The following FAM13A variants were observed in gnomAD, a reference collection of about 807,000 sequenced individuals.
FAM13A encodes protein FAM13A.
FAM13A carries 76 observed loss-of-function variants against 129.6 expected under a neutral mutation model. The ratio of observed to expected loss-of-function variants is 0.59; its 90% CI spans 0.49 to 0.71. FAM13A has a LOEUF of 0.71. FAM13A is among the 30% of genes least tolerant of loss of function. The pLI, the probability that FAM13A is intolerant of heterozygous loss-of-function variation, is 0.00. For synonymous variants in FAM13A, 443 were observed against 449.9 expected, an observed-to-expected ratio of 0.98 and a Z score of 0.20; for missense variants, 1,108 against 1,249.3, an observed-to-expected ratio of 0.89 and a Z score of 1.70.
intron 3 of FAM13A, among the ~76,000 whole-genome samples, chr4:89,007,654 C>T (rs990549547): frequency 5.9e-5 from 9 of 152,194 alleles, no homozygotes; most frequent in Non-Finnish European, 1.0e-4. Context: ...TACAGAAATA[C>T]ATTAACAGAT....
chr4:88,928,264 A>G (rs186749937), intron 5 of FAM13A, among the ~76,000 whole-genome samples: 316 of 152,274 alleles, frequency 2.1e-3, no homozygotes, highest in Non-Finnish European at 4.1e-3. Context: ...CATGTGGTCT[A>G]TCTCAGAGAA....
intron 3 of FAM13A, among the ~76,000 whole-genome samples, chr4:89,001,514 A>G (rs1764241735): frequency 6.6e-6 from 1 of 152,378 alleles, no homozygotes; most frequent in Middle Eastern, 3.4e-3. Flanking sequence ...TCGCAGAAAC[A>G]GATATTTGTG....
chr4:88,937,972 C>A, intron 5 of FAM13A, 116 bp downstream of exon 5: 1 of 728,618 alleles, frequency 1.4e-6, no homozygotes, highest in Non-Finnish European at 2.3e-6. Context: ...ATTCACTATA[C>A]ACAGGAATAA....
chr4:88,777,848 C>A (rs1378618045), intron 11 of FAM13A, among the ~76,000 whole-genome samples: 3 of 152,156 alleles, frequency 2.0e-5, no homozygotes, highest in Non-Finnish European at 4.4e-5. Flanking sequence ...CAGGGAGCGA[C>A]ATTTTGCTAA....
At chr4:88,897,246 A>G (rs563676393) in intron 6 of FAM13A, among the ~76,000 whole-genome samples, 21 of 152,180 alleles carry the variant, frequency 1.4e-4, no homozygotes, top group African/African-American at 4.8e-4. Flanking sequence ...ATCCACTCCA[A>G]TTATTTGTTG....
chr4:89,017,815 A>G (rs1420851303), intron 3 of FAM13A, among the ~76,000 whole-genome samples: 1 of 152,182 alleles, frequency 6.6e-6, no homozygotes, highest in Non-Finnish European at 1.5e-5. Flanking sequence ...TTATCTTCAT[A>G]CATATCGTGA....
At chr4:88,946,996 T>C (rs1756001057) in intron 4 of FAM13A, among the ~76,000 whole-genome samples, 1 of 152,054 alleles carries the variant, frequency 6.6e-6, no homozygotes. Flanking sequence ...TTGACCTAGG[T>C]CAATAGGTCA....
At chr4:88,800,385 G>A (rs1057496549) in intron 8 of FAM13A, among the ~76,000 whole-genome samples, 4 of 151,968 alleles carry the variant, frequency 2.6e-5, no homozygotes, top group Admixed American at 6.6e-5. Context: ...TGCCCCCTCC[G>A]TTTAGAAACA....
chr4:88,911,616 A>G (rs1383554169), intron 5 of FAM13A, among the ~76,000 whole-genome samples: 1 of 152,128 alleles, frequency 6.6e-6, no homozygotes, highest in Non-Finnish European at 1.5e-5. Context: ...TGTTGCAATG[A>G]GAGATAAGAC....
At chr4:88,835,824 G>A (rs1305935197) in intron 7 of FAM13A, among the ~76,000 whole-genome samples, 1 of 152,054 alleles carries the variant, frequency 6.6e-6, no homozygotes, top group Admixed American at 6.6e-5. Context: ...AAATAAAGAT[G>A]AGGCTTCACT....
At chr4:88,887,994 C>T (rs941632697) in intron 6 of FAM13A, among the ~76,000 whole-genome samples, 1 of 152,114 alleles carries the variant, frequency 6.6e-6, no homozygotes, top group African/African-American at 2.4e-5. Flanking sequence ...AAAATCAAAC[C>T]ACTCTACAAT....
intron 6 of FAM13A, among the ~76,000 whole-genome samples, chr4:88,854,894 T>C (rs902853000): frequency 1.2e-4 from 18 of 152,226 alleles, no homozygotes; most frequent in African/African-American, 4.1e-4. Flanking sequence ...GCTGCTGCTG[T>C]TATAATTAAT....
At chr4:89,029,686 A>G (rs1341048034) in intron 1 of FAM13A, 37 bp from the exon 2 acceptor site, 6 of 1,550,898 alleles carry the variant, frequency 3.9e-6, no homozygotes, top group African/African-American at 1.4e-5. Context: ...AGTCAGTCAT[A>G]TTTACCACAG....
intron 1 of FAM13A, among the ~76,000 whole-genome samples, chr4:89,036,439 C>T (rs965572800): frequency 6.6e-6 from 1 of 152,112 alleles, no homozygotes. Flanking sequence ...TGGTCATATG[C>T]ATGAGCAAAG....
At chr4:88,778,755 G>T (rs544824777) in intron 11 of FAM13A, among the ~76,000 whole-genome samples, 1 of 152,182 alleles carries the variant, frequency 6.6e-6, no homozygotes, top group African/African-American at 2.4e-5. Context: ...TAAAGGAGGG[G>T]TCCTTACAAT....
At chr4:88,741,441 CCA>C (rs1372898537) in intron 19 of FAM13A, among the ~76,000 whole-genome samples, 2 of 152,150 alleles carry the variant, frequency 1.3e-5, no homozygotes, top group African/African-American at 2.4e-5. Context: ...TAAGAAAAAT[CCA>C]CACAGTTAGA....
intron 5 of FAM13A, among the ~76,000 whole-genome samples, chr4:88,912,894 C>A (rs1749312669): frequency 6.6e-6 from 1 of 151,914 alleles, no homozygotes; most frequent in African/African-American, 2.4e-5. Context: ...GGCAGGAGGA[C>A]CTATTGAGCC....
intron 4 of FAM13A, among the ~76,000 whole-genome samples, chr4:88,963,979 TAAAGAA>T (rs1232405159): frequency 1.3e-5 from 2 of 152,002 alleles, no homozygotes; most frequent in African/African-American, 2.4e-5. Flanking sequence ...ACAATAGCAC[TAAAGAA>T]AAAGAAAAGT....
In FAM13A at chr4:89,037,813, C is replaced by T. The variant is rs144585714; in HGVS notation, c.28-8164G>A. On this transcript the variant is annotated intron_variant, in intron 1 of 23. Coordinates refer to ENST00000264344, the MANE Select transcript of FAM13A (RefSeq NM_014883.4). Reference sequence around the variant, plus strand: ...GTTTAAAAGTGTGTAGCACCTCCCTCTTTCCTCTCTTCCTCCTCTTCTGGC... The same window carrying T: ...GTTTAAAAGTGTGTAGCACCTCCCTTTTTCCTCTCTTCCTCCTCTTCTGGC... 4.0e-3 allele frequency among the ~76,000 whole-genome samples: 610 copies of T among 152,286 alleles called. 4 individuals are homozygous for T. The highest frequency in any genetic ancestry group is 4.2e-3 in the Non-Finnish European group (285 of 68,030).
Sources: gnomAD v4.1 joint callset for allele counts (sites outside exome capture counted in the v4.1 genomes callset) on GRCh38, gnomAD v4.1.1 for gene constraint, MANE v1.5 for transcripts, NCBI Gene and HGNC (gene_info 2026-07-23, HGNC 2026-07-21) for gene names.